Variants in ASPH observed in about 807,000 individuals in gnomAD.
ASPH encodes aspartate beta-hydroxylase, also known as aspartyl/asparaginyl beta-hydroxylase.
ASPH carries 100 observed loss-of-function variants against 118.4 expected under a neutral mutation model. That is an observed-to-expected ratio of 0.84 (90% CI 0.72 to 1.00). ASPH has a LOEUF of 1.00. Ranked by LOEUF, ASPH falls within the 50% of genes least tolerant of loss-of-function variation. The pLI is 0.00. For synonymous variants in ASPH, 315 were observed against 325.6 expected, an observed-to-expected ratio of 0.97 and a Z score of 0.35; for missense variants, 920 against 919.5, an observed-to-expected ratio of 1.00 and a Z score of -0.01.
chr8:61,546,093 G>T (rs903800504), intron 21 of ASPH, among the ~76,000 whole-genome samples: 1 of 152,156 alleles, frequency 6.6e-6, no homozygotes, highest in Non-Finnish European at 1.5e-5. Flanking sequence ...GCCATTTACG[G>T]CTGGGGTGGT....
At chr8:61,591,408 A>G (rs891419697) in intron 14 of ASPH, among the ~76,000 whole-genome samples, 2 of 151,814 alleles carry the variant, frequency 1.3e-5, no homozygotes, top group Non-Finnish European at 2.9e-5. Context: ...AAAAAAAAAA[A>G]GCAAGATACT....
intron 12 of ASPH, 103 bp downstream of exon 12, chr8:61,637,844 A>G (rs1301486345): frequency 8.9e-7 from 1 of 1,129,568 alleles, no homozygotes; most frequent in Admixed American, 2.4e-5. Context: ...CCTAGCTCCT[A>G]TGCACTGTAT....
intron 3 of ASPH, chr8:61,661,774 T>C (rs1817041727): frequency 1.1e-5 from 4 of 364,562 alleles, no homozygotes; most frequent in African/African-American, 4.2e-5. Flanking sequence ...CAGGTCATAA[T>C]ACAAAATATT....
chr8:61,552,000 A>G (rs1428853843), intron 20 of ASPH, among the ~76,000 whole-genome samples: 1 of 152,242 alleles, frequency 6.6e-6, no homozygotes, highest in African/African-American at 2.4e-5. Flanking sequence ...AGATTGGTTC[A>G]TGTTCCTAGC....
At chr8:61,642,271 C>T (rs1356914343) in intron 10 of ASPH, among the ~76,000 whole-genome samples, 4 of 152,176 alleles carry the variant, frequency 2.6e-5, no homozygotes, top group South Asian at 2.1e-4. Flanking sequence ...AATTTAACTC[C>T]GGCTAAAGTA....
intron 14 of ASPH, chr8:61,607,153 A>T (rs1845830111): frequency 3.2e-6 from 2 of 629,772 alleles, no homozygotes; most frequent in Non-Finnish European, 5.6e-6. Context: ...ACACAAAAGG[A>T]GCCTATATAT....
At chr8:61,620,377 C>T (rs1053358512) in intron 13 of ASPH, among the ~76,000 whole-genome samples, 2 of 150,516 alleles carry the variant, frequency 1.3e-5, no homozygotes, top group African/African-American at 4.9e-5. Flanking sequence ...CACTGTGTAC[C>T]TTTCTTCAAA....
At chr8:61,522,289 C>T (rs1363198464) in intron 22 of ASPH, among the ~76,000 whole-genome samples, 1 of 152,186 alleles carries the variant, frequency 6.6e-6, no homozygotes, top group Non-Finnish European at 1.5e-5. Flanking sequence ...CTGCCACAAG[C>T]AAATACCACA....
chr8:61,517,415 C>A, intron 24 of ASPH, 113 bp downstream of exon 24: 1 of 1,431,838 alleles, frequency 7.0e-7, no homozygotes. Flanking sequence ...TCACTTTGCT[C>A]CAGTCTACTT....
intron 3 of ASPH, among the ~76,000 whole-genome samples, chr8:61,680,232 T>C (rs777906357): frequency 6.6e-6 from 1 of 151,802 alleles, no homozygotes; most frequent in Admixed American, 6.6e-5. Flanking sequence ...TAAAGACTCT[T>C]ATATAAAAAG....
chr8:61,693,498 T>C (rs1413074504), intron 1 of ASPH, among the ~76,000 whole-genome samples: 1 of 152,184 alleles, frequency 6.6e-6, no homozygotes, highest in Non-Finnish European at 1.5e-5. Context: ...GAGAGAATTA[T>C]AACATTTTCA....
At chr8:61,520,679 T>G (rs1812631151) in intron 22 of ASPH, among the ~76,000 whole-genome samples, 1 of 152,224 alleles carries the variant, frequency 6.6e-6, no homozygotes, top group Non-Finnish European at 1.5e-5. Context: ...GCTTTCCAAG[T>G]CTTCTGGTAT....
intron 3 of ASPH, among the ~76,000 whole-genome samples, chr8:61,676,867 G>C (rs1825662051): frequency 6.6e-6 from 1 of 151,812 alleles, no homozygotes; most frequent in Admixed American, 6.6e-5. Flanking sequence ...GGAAATTCTG[G>C]AGTTAATATA....
At chr8:61,598,789 A>G (rs573412393) in intron 14 of ASPH, among the ~76,000 whole-genome samples, 2 of 152,352 alleles carry the variant, frequency 1.3e-5, no homozygotes, top group South Asian at 4.1e-4. Flanking sequence ...AAATCATATC[A>G]GGTATCTTCC....
chr8:61,532,601 C>A (rs1197097914), intron 21 of ASPH, among the ~76,000 whole-genome samples: 1 of 152,072 alleles, frequency 6.6e-6, no homozygotes, highest in Non-Finnish European at 1.5e-5. Flanking sequence ...AAAATTATTG[C>A]CAAGAGGAAT....
chr8:61,579,566 C>T, intron 15 of ASPH: 17 of 1,518,736 alleles, frequency 1.1e-5, no homozygotes, highest in Non-Finnish European at 1.4e-5. Flanking sequence ...GCGCAGGCTC[C>T]AGCTCCCTCA....
At chr8:61,587,067 T>G (rs1204772802) in intron 14 of ASPH, among the ~76,000 whole-genome samples, 1 of 152,228 alleles carries the variant, frequency 6.6e-6, no homozygotes, top group African/African-American at 2.4e-5. Context: ...TTAATTCAAC[T>G]TTCATCAAGT....
intron 1 of ASPH, among the ~76,000 whole-genome samples, chr8:61,697,174 CT>C (rs1563640157): frequency 6.6e-6 from 1 of 152,182 alleles, no homozygotes; most frequent in Non-Finnish European, 1.5e-5. Flanking sequence ...AAACACACGT[CT>C]TACAGTTGAG....
At chr8:61,678,506 G>A (rs1364353787) in intron 3 of ASPH, among the ~76,000 whole-genome samples, 1 of 151,822 alleles carries the variant, frequency 6.6e-6, no homozygotes, top group Non-Finnish European at 1.5e-5. Flanking sequence ...GATGGTTAGG[G>A]GTCTTGATTT....
Sources: allele counts gnomAD v4.1 joint callset (sites outside exome capture counted in the v4.1 genomes callset), GRCh38; gene constraint gnomAD v4.1.1; transcripts MANE v1.5; gene names NCBI Gene and HGNC (gene_info 2026-07-23, HGNC 2026-07-21).